The following KIF15 variants were observed in gnomAD, a reference collection of about 807,000 sequenced individuals.
KIF15 encodes kinesin-like protein KIF15.
A neutral mutation model predicts 190.6 loss-of-function variants in KIF15; 140 were observed. That is an observed-to-expected ratio of 0.73 (90% confidence interval 0.64 to 0.84). The LOEUF is 0.84. KIF15 is among the 40% of genes least tolerant of loss of function. KIF15 has a pLI of 0.00. For missense variants in KIF15, 1,372 were observed against 1,584.4 expected (o/e 0.87, Z 2.28); for synonymous variants, 528 against 551.3 (o/e 0.96, Z 0.59).
At chr3:44,845,897 C>T (rs1012768820) in intron 30 of KIF15, among the ~76,000 whole-genome samples, 1 of 152,142 alleles carries the variant, frequency 6.6e-6, no homozygotes, top group Admixed American at 6.6e-5. Flanking sequence ...TTCTGTGACC[C>T]GTGAGCTTTA....
intron 24 of KIF15, among the ~76,000 whole-genome samples, chr3:44,828,836 G>A (rs1333917230): frequency 6.6e-6 from 1 of 152,104 alleles, no homozygotes; most frequent in African/African-American, 2.4e-5. Context: ...TGAGGAGTTC[G>A]AGACCAGCCT....
chr3:44,794,937 G>T (rs577591787), intron 8 of KIF15, among the ~76,000 whole-genome samples: 1 of 152,230 alleles, frequency 6.6e-6, no homozygotes, highest in South Asian at 2.1e-4. Context: ...ACGCCAGTCT[G>T]GGTGACAGAG....
intron 6 of KIF15, chr3:44,862,162 CG>C: frequency 4.8e-5 from 2 of 41,892 alleles, no homozygotes; most frequent in Non-Finnish European, 9.0e-5. Context: ...GGCGGGCGGG[CG>C]GGGCGCCGCT....
chr3:44,799,604 C>G (rs1444766553), intron 10 of KIF15, among the ~76,000 whole-genome samples: 1 of 149,566 alleles, frequency 6.7e-6, no homozygotes. Flanking sequence ...TGTCAACAGG[C>G]TGGAGTGCAG....
At chr3:44,861,722 A>C in intron 6 of KIF15, 2 of 536,194 alleles carry the variant, frequency 3.7e-6, no homozygotes, top group South Asian at 2.4e-5. Flanking sequence ...GCACAAACCT[A>C]CTACAGGTTA....
At position 44,761,861 on chromosome 3, in the gene KIF15, G is replaced by C. The variant is rs781342819; in HGVS notation, c.-5G>C. On this transcript the variant is annotated 5_prime_UTR_variant, in exon 1 of 35. Coordinates refer to ENST00000326047, the MANE Select transcript of KIF15 (RefSeq NM_020242.3). ...TTGTTTTCGGGATCGAGGGGTGAGG[G>C]CGCTATGGCACCCGGCTGCAAAAGT... 6.2e-7 allele frequency: 1 copy of C among 1,614,204 alleles called. No individual in the cohort carries two copies. Among genetic ancestry groups the C allele is most frequent in the Non-Finnish European group, 8.5e-7 (1 of 1,180,036 alleles).
chr3:44,866,320 C>T (rs1305550651), intron 6 of KIF15, among the ~76,000 whole-genome samples: 1 of 152,182 alleles, frequency 6.6e-6, no homozygotes, highest in Non-Finnish European at 1.5e-5. Context: ...GATCTGCCCG[C>T]CTCAGCCTCC....
chr3:44,789,703 A>G (rs1275333915), intron 7 of KIF15, among the ~76,000 whole-genome samples: 1 of 143,674 alleles, frequency 7.0e-6, no homozygotes, highest in Non-Finnish European at 1.5e-5. Flanking sequence ...AAATAGATAC[A>G]TACACATATG....
intron 30 of KIF15, among the ~76,000 whole-genome samples, chr3:44,844,208 T>C (rs1200410487): frequency 6.6e-6 from 1 of 152,242 alleles, no homozygotes; most frequent in Non-Finnish European, 1.5e-5. Flanking sequence ...ACCCCTGATA[T>C]GAGTTGTTCA....
At chr3:44,825,703 T>C (rs1372571165) in intron 20 of KIF15, among the ~76,000 whole-genome samples, 1 of 152,226 alleles carries the variant, frequency 6.6e-6, no homozygotes, top group Non-Finnish European at 1.5e-5. Context: ...GAGCATTAGG[T>C]CTGGAAACCC....
At position 44,775,335 on chromosome 3, in the gene KIF15, C is replaced by T; in HGVS notation, c.144C>T (p.Asn48=). The change falls in exon 3 of 35, where the codon AAC becomes AAT. Residue 48 remains asparagine, a synonymous_variant. Coordinates refer to ENST00000326047, the MANE Select transcript of KIF15 (RefSeq NM_020242.3). Reference sequence around the variant, plus strand: ...CTGGGTCAGCTGATGGAGAGCAGAACTTATGCTTATCTGTGCTGTCCTCCA... The same window carrying T: ...CTGGGTCAGCTGATGGAGAGCAGAATTTATGCTTATCTGTGCTGTCCTCCA... ...ERSGSADGEQ[N]LCLSVLSSTS... is the part of the protein sequence containing the mutation. The T allele has an allele frequency of 6.2e-7, 1 of 1,614,072 alleles. No homozygotes were observed. The highest frequency in any genetic ancestry group is 1.3e-5 in the African/African-American group (1 of 75,038).
chr3:44,842,432 G>T (rs1374679933), intron 29 of KIF15, among the ~76,000 whole-genome samples: 5 of 152,190 alleles, frequency 3.3e-5, no homozygotes, highest in African/African-American at 1.2e-4. Flanking sequence ...TCATTGCTCT[G>T]CAGGGAGTTT....
rs565335715 is a variant in KIF15 at position 44,841,422 on chromosome 3, G to A, written c.3585+184G>A. ...TTTTTTTTGTTTTTTTTTTGAGACG[G>A]AGTCTGCCTCTGTCGCCCAGGGTGG... On this transcript the variant is annotated intron_variant, in intron 29 of 34. Coordinates refer to ENST00000326047, the MANE Select transcript of KIF15 (RefSeq NM_020242.3). Among the ~76,000 whole-genome samples the A allele has an allele frequency of 9.3e-5, 14 of 150,728 alleles. No homozygotes were observed. The South Asian group carries it at 2.9e-3, about 32-fold the overall frequency.
At chr3:44,777,135 C>A (rs1239811490) in intron 3 of KIF15, among the ~76,000 whole-genome samples, 1 of 150,262 alleles carries the variant, frequency 6.7e-6, no homozygotes, top group Non-Finnish European at 1.5e-5. Flanking sequence ...TTTTTTCATT[C>A]CAGGATAAAT....
chr3:44,766,183 T>C (rs1705365360), intron 1 of KIF15, among the ~76,000 whole-genome samples: 2 of 152,176 alleles, frequency 1.3e-5, no homozygotes, highest in Non-Finnish European at 2.9e-5. Context: ...ATTCAGCTCC[T>C]TTGGGAAGAG....
rs1239058204 is a variant in KIF15, at chr3:44,827,682, A to AT, written c.2856+161dup. On this transcript the variant is annotated intron_variant, in intron 23 of 34. Coordinates refer to ENST00000326047, the MANE Select transcript of KIF15 (RefSeq NM_020242.3). ...GGCTGGTTCTATTATTTTTAATTTT[A>AT]TTTTTTTCTTCTTTTTTTAAGATAG... is the stretch of plus-strand genomic sequence containing the variant. Among the ~76,000 whole-genome samples the AT allele has an allele frequency of 9.2e-5, 14 of 152,006 alleles. 1 individual carries two copies. In the South Asian group the frequency reaches 1.5e-3, roughly 16 times the overall value.
intron 8 of KIF15, among the ~76,000 whole-genome samples, chr3:44,795,760 G>A (rs1216180590): frequency 6.6e-6 from 1 of 152,078 alleles, no homozygotes; most frequent in Non-Finnish European, 1.5e-5. Flanking sequence ...CATGGGCAAG[G>A]GGAGAGGAAT....
intron 5 of KIF15, among the ~76,000 whole-genome samples, chr3:44,783,105 C>T (rs1706241802): frequency 6.6e-6 from 1 of 152,052 alleles, no homozygotes; most frequent in African/African-American, 2.4e-5. Context: ...GTGGGTTAGG[C>T]AAGAGATGAT....
downstream of KIF15, among the ~76,000 whole-genome samples, chr3:44,855,459 T>A (rs553542231): frequency 1.3e-5 from 2 of 152,322 alleles, no homozygotes; most frequent in South Asian, 4.1e-4. Context: ...TATGATGGCT[T>A]AGCTTGGGCT....
Sources: gnomAD v4.1 joint callset for allele counts (sites outside exome capture counted in the v4.1 genomes callset) on GRCh38, gnomAD v4.1.1 for gene constraint, MANE v1.5 for transcripts, NCBI Gene and HGNC (gene_info 2026-07-23, HGNC 2026-07-21) for gene names.